MACROD2: variants seen among roughly 807,000 people sequenced by gnomAD.
MACROD2 encodes mono-ADP ribosylhydrolase 2.
A neutral mutation model predicts 70.4 loss-of-function variants in MACROD2; 36 were observed. The observed-to-expected ratio is 0.51, with a 90% CI of 0.39 to 0.68. The LOEUF (loss-of-function observed/expected upper bound fraction) is 0.68, where lower values mean the gene tolerates loss of function less well. MACROD2 is among the 30% of genes least tolerant of loss of function. The pLI is 0.00. For synonymous variants in MACROD2, 172 were observed against 178.8 expected, an observed-to-expected ratio of 0.96 and a Z score of 0.30; for missense variants, 496 against 538.4, an observed-to-expected ratio of 0.92 and a Z score of 0.78.
intron 3 of MACROD2, among the ~76,000 whole-genome samples, chr20:14,310,672 C>T (rs1239233299): frequency 2.0e-5 from 3 of 151,968 alleles, no homozygotes; most frequent in Admixed American, 6.6e-5. Flanking sequence ...GCAGGTCCTT[C>T]AGGAGGTATT....
chr20:15,134,472 G>A (rs1446725614), intron 5 of MACROD2, among the ~76,000 whole-genome samples: 1 of 151,964 alleles, frequency 6.6e-6, no homozygotes, highest in East Asian at 1.9e-4. Flanking sequence ...TCACTACTGG[G>A]TACATAACGA....
At chr20:15,235,834 T>A (rs2077009053) in intron 6 of MACROD2, among the ~76,000 whole-genome samples, 1 of 152,224 alleles carries the variant, frequency 6.6e-6, no homozygotes, top group Non-Finnish European at 1.5e-5. Context: ...GATGTCACCA[T>A]TTCCCAGACA....
chr20:14,807,118 T>A (rs1317899533), intron 5 of MACROD2, among the ~76,000 whole-genome samples: 2 of 152,114 alleles, frequency 1.3e-5, no homozygotes, highest in Non-Finnish European at 2.9e-5. Context: ...TCCTCAAGTG[T>A]GTCCCTGTCC....
intron 2 of MACROD2, among the ~76,000 whole-genome samples, chr20:14,033,962 T>TTTTATTTATTTATTTA (rs71190108): frequency 4.5e-4 from 67 of 150,170 alleles, no homozygotes; most frequent in African/African-American, 1.5e-3. Flanking sequence ...CCTATTTTTA[T>TTTTATTTATTTATTTA]TTTATTTATT....
chr20:14,480,416 C>A (rs2123069861), intron 3 of MACROD2, among the ~76,000 whole-genome samples: 1 of 152,220 alleles, frequency 6.6e-6, no homozygotes, highest in South Asian at 2.1e-4. Context: ...ATCTGGAATA[C>A]CATATGCAAA....
intron 5 of MACROD2, among the ~76,000 whole-genome samples, chr20:14,914,464 G>T (rs1208516654): frequency 6.6e-6 from 1 of 152,126 alleles, no homozygotes; most frequent in African/African-American, 2.4e-5. Flanking sequence ...AAGCAAGTTG[G>T]ATCAAGATCT....
intron 11 of MACROD2, among the ~76,000 whole-genome samples, chr20:15,934,109 A>G (rs1159674751): frequency 1.3e-5 from 2 of 152,182 alleles, no homozygotes; most frequent in Non-Finnish European, 2.9e-5. Flanking sequence ...AAAAAATAAA[A>G]ATAAAAATCC....
At chr20:15,969,174 A>G (rs916112766) in intron 13 of MACROD2, among the ~76,000 whole-genome samples, 1 of 152,134 alleles carries the variant, frequency 6.6e-6, no homozygotes, top group African/African-American at 2.4e-5. Flanking sequence ...CATTAGGTTA[A>G]GACCAGTCCA....
At chr20:14,945,170 G>T (rs1472986630) in intron 5 of MACROD2, among the ~76,000 whole-genome samples, 1 of 151,194 alleles carries the variant, frequency 6.6e-6, no homozygotes, top group Admixed American at 6.6e-5. Flanking sequence ...AGGCTGGAGT[G>T]CAGTGGGCCT....
intron 6 of MACROD2, among the ~76,000 whole-genome samples, chr20:15,385,931 TC>T: frequency 6.6e-6 from 1 of 152,270 alleles, no homozygotes; most frequent in South Asian, 2.1e-4. Context: ...TAAATGACGA[TC>T]TGTTCTATAA....
At chr20:14,348,328 A>G (rs779786433) in intron 3 of MACROD2, among the ~76,000 whole-genome samples, 1 of 151,948 alleles carries the variant, frequency 6.6e-6, no homozygotes, top group Non-Finnish European at 1.5e-5. Flanking sequence ...ATGTATCGGT[A>G]TTAGAACATG....
chr20:14,869,264 G>T (rs1040867278), intron 5 of MACROD2, among the ~76,000 whole-genome samples: 12 of 152,174 alleles, frequency 7.9e-5, no homozygotes, highest in Non-Finnish European at 1.2e-4. Flanking sequence ...CAAAAGATTG[G>T]TTGCCTTGAG....
intron 4 of MACROD2, among the ~76,000 whole-genome samples, chr20:14,661,738 C>A (rs1025281820): frequency 6.6e-5 from 10 of 151,714 alleles, no homozygotes; most frequent in Non-Finnish European, 1.2e-4. Flanking sequence ...AAGAAATTTC[C>A]AATATTCCTA....
At chr20:14,793,506 A>G (rs1455587600) in intron 5 of MACROD2, among the ~76,000 whole-genome samples, 2 of 150,354 alleles carry the variant, frequency 1.3e-5, no homozygotes, top group Non-Finnish European at 3.0e-5. Flanking sequence ...TGTGTCATCC[A>G]GAGTCCAGTC....
chr20:14,296,040 A>G lies in MACROD2; in HGVS notation c.272-197439A>G, dbSNP rs1360444945. On this transcript the variant is annotated intron_variant, in intron 3 of 17. Coordinates refer to ENST00000684519, the MANE Select transcript of MACROD2 (RefSeq NM_001351661.2). ...CAATCTGTTGGAATCGTCTATCTAT[A>G]TGGAAACCTAGCTAGAAGGACATGT... Among the ~76,000 whole-genome samples, 2 of 151,844 alleles carry G rather than the reference A, an allele frequency of 1.3e-5. 1 individual carries two copies. Among genetic ancestry groups the G allele is most frequent in the Non-Finnish European group, 2.9e-5 (2 of 68,006 alleles).
chr20:14,827,621 A>G (rs552876074), intron 5 of MACROD2, among the ~76,000 whole-genome samples: 3 of 152,110 alleles, frequency 2.0e-5, no homozygotes, highest in South Asian at 2.1e-4. Flanking sequence ...TTGCACCCTG[A>G]TAGACTTCAC....
intron 3 of MACROD2, among the ~76,000 whole-genome samples, chr20:14,287,832 C>T (rs188242406): frequency 6.6e-5 from 10 of 152,240 alleles, no homozygotes; most frequent in Middle Eastern, 3.4e-3. Context: ...AGGCTACCCT[C>T]GGCTCTTAGA....
intron 15 of MACROD2, among the ~76,000 whole-genome samples, 167 bp from the exon 16 acceptor site, chr20:16,041,034 C>T (rs1185924154): frequency 1.3e-5 from 2 of 152,016 alleles, no homozygotes; most frequent in African/African-American, 4.8e-5. Context: ...CAAAAGTATT[C>T]AAGCAACTCA....
chr20:14,857,980 A>C (rs1293365981), intron 5 of MACROD2, among the ~76,000 whole-genome samples: 3 of 151,558 alleles, frequency 2.0e-5, no homozygotes, highest in Admixed American at 2.0e-4. Context: ...GCCACCACGC[A>C]TGGCTAATTT....
Sources: allele counts gnomAD v4.1 joint callset (sites outside exome capture counted in the v4.1 genomes callset), GRCh38; gene constraint gnomAD v4.1.1; transcripts MANE v1.5; gene names NCBI Gene and HGNC (gene_info 2026-07-23, HGNC 2026-07-21).